The following RAB3C variants were observed in gnomAD, a reference collection of about 807,000 sequenced individuals.
The protein encoded by RAB3C is ras-related protein Rab-3C.
A neutral mutation model predicts 26.4 loss-of-function variants in RAB3C; 17 were observed. That is an observed-to-expected ratio of 0.64 (90% CI 0.44 to 0.97). The LOEUF is 0.97. Ranked by LOEUF, RAB3C falls within the 50% of genes least tolerant of loss-of-function variation. The probability of loss-of-function intolerance (pLI) is 0.00; values close to 1 mark genes in which losing one functional copy is unlikely to be tolerated. For missense variants in RAB3C, 242 were observed against 281.9 expected (o/e 0.86, Z 1.01); for synonymous variants, 91 against 95.9 (o/e 0.95, Z 0.30).
chr5:58,826,668 T>C (rs1177917234), intron 4 of RAB3C, among the ~76,000 whole-genome samples: 2 of 152,214 alleles, frequency 1.3e-5, no homozygotes, highest in African/African-American at 4.8e-5. Context: ...CTTTACTTGA[T>C]GAGATTCACT....
At chr5:58,803,461 C>T (rs1742856491) in intron 3 of RAB3C, among the ~76,000 whole-genome samples, 1 of 152,198 alleles carries the variant, frequency 6.6e-6, no homozygotes, top group African/African-American at 2.4e-5. Flanking sequence ...TACAACTATA[C>T]TTATACTGCT....
At position 58,762,264 on chromosome 5, in the gene RAB3C, G is replaced by A. The variant is rs117095276; in HGVS notation, c.371+36144G>A. 6.5e-4 allele frequency among the ~76,000 whole-genome samples: 99 copies of A among 152,288 alleles called. 1 individual carries two copies. The East Asian group carries it at 0.017, about 26-fold the overall frequency. On this transcript the variant is annotated intron_variant, in intron 3 of 4. Coordinates refer to ENST00000282878, the MANE Select transcript of RAB3C (RefSeq NM_138453.4). ...CCCTTAGGAGCCATGAGTGGCTGAA[G>A]GTGACCATATTGGACAGTGAAGATC... is the stretch of plus-strand genomic sequence containing the variant.
intron 3 of RAB3C, among the ~76,000 whole-genome samples, chr5:58,791,328 C>A (rs567770614): frequency 3.3e-5 from 5 of 152,148 alleles, no homozygotes; most frequent in African/African-American, 4.8e-5. Context: ...TTGGCGTGCT[C>A]AAACCACCTG....
chr5:58,846,223 C>T (rs764436319), intron 4 of RAB3C, among the ~76,000 whole-genome samples: 4 of 152,106 alleles, frequency 2.6e-5, no homozygotes, highest in Non-Finnish European at 4.4e-5. Flanking sequence ...TTTTGGCTAT[C>T]GTGAATAATG....
At chr5:58,758,385 T>A (rs116540825) in intron 3 of RAB3C, among the ~76,000 whole-genome samples, 2,119 of 152,324 alleles carry the variant, frequency 0.014, 37 homozygotes, top group African/African-American at 0.049. Context: ...CATACTCTAT[T>A]CTGGTGATAC....
intron 2 of RAB3C, among the ~76,000 whole-genome samples, chr5:58,708,271 T>G (rs1473074455): frequency 3.3e-5 from 5 of 152,204 alleles, no homozygotes; most frequent in African/African-American, 1.2e-4. Flanking sequence ...ATTACAGGCA[T>G]AAGCCACCAT....
chr5:58,852,369 C>A lies in RAB3C; in HGVS notation c.*1018C>A, dbSNP rs897770157. On this transcript the variant is annotated 3_prime_UTR_variant, in exon 5 of 5. Coordinates refer to ENST00000282878, the MANE Select transcript of RAB3C (RefSeq NM_138453.4). ...TAGGATGTAGACTTGCCTCCCCAAA[C>A]ACGGCCATCTTCTCAAACCTCAGCT... 3.3e-5 allele frequency: 5 copies of A among 152,232 alleles called. No individual in the cohort carries two copies. The highest frequency in any genetic ancestry group is 1.2e-4 in the African/African-American group (5 of 41,464). The allele number at this position is 152,232 out of a possible 1,614,324, so 9.4% of individuals were successfully genotyped here. A position where few individuals can be genotyped will look rare whatever the true frequency, so the allele number is the denominator to read the frequency against.
At chr5:58,714,758 T>C (rs1749133600) in intron 2 of RAB3C, among the ~76,000 whole-genome samples, 1 of 151,946 alleles carries the variant, frequency 6.6e-6, no homozygotes. Context: ...ATTATAGGCA[T>C]AACTTCCAAA....
At chr5:58,825,425 G>C (rs1317284411) in intron 4 of RAB3C, among the ~76,000 whole-genome samples, 2 of 152,256 alleles carry the variant, frequency 1.3e-5, no homozygotes, top group East Asian at 3.9e-4. Context: ...CTTATTCCAT[G>C]AGAAACACAG....
intron 3 of RAB3C, among the ~76,000 whole-genome samples, chr5:58,796,274 A>G (rs774747596): frequency 6.6e-5 from 10 of 152,230 alleles, no homozygotes; most frequent in Non-Finnish European, 1.5e-4. Flanking sequence ...TACACAGGTT[A>G]CAGAAACACG....
At chr5:58,819,935 C>T (rs771208282) in intron 3 of RAB3C, among the ~76,000 whole-genome samples, 9 of 152,088 alleles carry the variant, frequency 5.9e-5, no homozygotes. Context: ...TGCAGCAAGA[C>T]CAAATGTAGA....
intron 1 of RAB3C, among the ~76,000 whole-genome samples, chr5:58,615,989 C>CACAG (rs1746817617): frequency 6.6e-6 from 1 of 151,092 alleles, no homozygotes; most frequent in South Asian, 2.1e-4. Flanking sequence ...CACACAGACA[C>CACAG]ACACACACAC....
intron 4 of RAB3C, among the ~76,000 whole-genome samples, chr5:58,826,944 T>C (rs546421866): frequency 6.6e-6 from 1 of 152,302 alleles, no homozygotes; most frequent in Non-Finnish European, 1.5e-5. Context: ...TCTCATGAGC[T>C]TAATGAGTTC....
chr5:58,606,633 TC>T (rs899853540), intron 1 of RAB3C, among the ~76,000 whole-genome samples: 3 of 152,166 alleles, frequency 2.0e-5, no homozygotes, highest in African/African-American at 7.2e-5. Context: ...GGGAGACACC[TC>T]CCAGTAGGGT....
intron 2 of RAB3C, among the ~76,000 whole-genome samples, chr5:58,682,703 A>G (rs917790914): frequency 6.6e-6 from 1 of 152,072 alleles, no homozygotes; most frequent in African/African-American, 2.4e-5. Context: ...AAAGAAAAAA[A>G]AAAAAAAAGA....
intron 4 of RAB3C, among the ~76,000 whole-genome samples, chr5:58,836,872 T>G (rs1743759737): frequency 6.6e-6 from 1 of 152,200 alleles, no homozygotes; most frequent in African/African-American, 2.4e-5. Flanking sequence ...GATATACTGA[T>G]TTTCTTTTAT....
intron 3 of RAB3C, among the ~76,000 whole-genome samples, chr5:58,787,010 C>G (rs73104380): frequency 1.4e-4 from 22 of 152,234 alleles, no homozygotes; most frequent in African/African-American, 5.3e-4. Flanking sequence ...TTCAATGCAT[C>G]ATTTCAAGAT....
At chr5:58,816,145 C>G (rs1743211093) in intron 3 of RAB3C, among the ~76,000 whole-genome samples, 4 of 152,168 alleles carry the variant, frequency 2.6e-5, no homozygotes, top group Admixed American at 2.0e-4. Flanking sequence ...GACAAATCCC[C>G]TCTTAGTGTC....
At chr5:58,674,484 AG>A (rs1748183385) in intron 2 of RAB3C, among the ~76,000 whole-genome samples, 1 of 152,262 alleles carries the variant, frequency 6.6e-6, no homozygotes, top group African/African-American at 2.4e-5. Flanking sequence ...CAGAAGAGAA[AG>A]CAGTGGGAAA....
Sources: allele counts gnomAD v4.1 joint callset (sites outside exome capture counted in the v4.1 genomes callset), GRCh38; gene constraint gnomAD v4.1.1; transcripts MANE v1.5; gene names NCBI Gene and HGNC (gene_info 2026-07-23, HGNC 2026-07-21).